The following PPP1R1C variants were observed in gnomAD, a reference collection of about 807,000 sequenced individuals.
PPP1R1C encodes protein phosphatase 1 regulatory subunit 1C.
Under a neutral mutation model 17.4 loss-of-function variants are expected in PPP1R1C, and 15 were observed. The observed-to-expected ratio is 0.86, with a 90% CI of 0.58 to 1.33. The LOEUF (loss-of-function observed/expected upper bound fraction) is 1.33. Ranked by LOEUF, PPP1R1C falls within the 40% of genes most tolerant of loss-of-function variation. The pLI, the probability that PPP1R1C is intolerant of heterozygous loss-of-function variation, is 0.00. For synonymous variants in PPP1R1C, 35 were observed against 43.1 expected (o/e 0.81, Z 0.73); for missense variants, 143 against 130.0 (o/e 1.10, Z -0.48).
intron 1 of PPP1R1C, among the ~76,000 whole-genome samples, chr2:181,972,238 T>G (rs1685023127): frequency 6.6e-6 from 1 of 152,220 alleles, no homozygotes; most frequent in Non-Finnish European, 1.5e-5. Flanking sequence ...ATTCGAAGTC[T>G]TGGAAAGTTT....
intron 4 of PPP1R1C, among the ~76,000 whole-genome samples, chr2:182,081,868 A>G (rs1312194933): frequency 6.6e-6 from 1 of 152,180 alleles, no homozygotes; most frequent in Non-Finnish European, 1.5e-5. Context: ...CATATTACCA[A>G]TTCCGTATGT....
intron 2 of PPP1R1C, among the ~76,000 whole-genome samples, chr2:181,978,265 T>G (rs1167179302): frequency 6.6e-6 from 1 of 152,194 alleles, no homozygotes; most frequent in East Asian, 1.9e-4. Context: ...TGAGATTTGG[T>G]GGGGACACAG....
At chr2:182,068,862 G>T (rs1390512976) in intron 4 of PPP1R1C, among the ~76,000 whole-genome samples, 1 of 152,138 alleles carries the variant, frequency 6.6e-6, no homozygotes, top group Non-Finnish European at 1.5e-5. Flanking sequence ...AGGCAACATA[G>T]GTAAATTAAC....
In PPP1R1C at chr2:182,004,309, T is replaced by C. The variant is rs191190962; in HGVS notation, c.142+16410T>C. 1.1e-4 allele frequency among the ~76,000 whole-genome samples: 16 copies of C among 152,334 alleles called. No individual in the cohort carries two copies. The East Asian group carries it at 2.9e-3, about 28-fold the overall frequency. ...CCTAGCAATACACAGATTTTCAGTA[T>C]AGCACCAACATTTCATTCATTTAAC... On this transcript the variant is annotated intron_variant, in intron 2 of 4. Coordinates refer to ENST00000682840, the MANE Select transcript of PPP1R1C (RefSeq NM_001080545.3).
In PPP1R1C at chr2:182,076,457, A is replaced by G. The variant is rs556525537; in HGVS notation, c.241+12666A>G. 4.6e-5 allele frequency among the ~76,000 whole-genome samples: 7 copies of G among 151,964 alleles called. No homozygotes were observed. The East Asian group carries it at 1.4e-3, about 29-fold the overall frequency. On this transcript the variant is annotated intron_variant, in intron 4 of 4. Transcript: ENST00000682840. ...TTCATCTTTTTTAAAAATGCAAGCA[A>G]GAAGTACTTGTTCCTGCCTTTGATG...
intron 5 of PPP1R1C, among the ~76,000 whole-genome samples, chr2:182,124,327 G>GGT (rs1689816197): frequency 1.2e-5 from 1 of 83,008 alleles, no homozygotes; most frequent in African/African-American, 6.0e-5. Flanking sequence ...TTTTTTTTTT[G>GGT]TTTTTTTTTT....
intron 4 of PPP1R1C, among the ~76,000 whole-genome samples, chr2:182,070,670 A>G (rs1319776751): frequency 6.6e-6 from 1 of 152,200 alleles, no homozygotes; most frequent in Non-Finnish European, 1.5e-5. Flanking sequence ...TTGGTAAATC[A>G]ATAGTTGTAT....
chr2:181,978,693 C>G (rs1441648757), intron 2 of PPP1R1C, among the ~76,000 whole-genome samples: 3 of 151,924 alleles, frequency 2.0e-5, no homozygotes, highest in Non-Finnish European at 2.9e-5. Context: ...TATGAACCAG[C>G]CTCAGTAGTC....
intron 4 of PPP1R1C, among the ~76,000 whole-genome samples, chr2:182,087,576 T>C (rs1339823988): frequency 6.6e-6 from 1 of 152,230 alleles, no homozygotes; most frequent in Admixed American, 6.5e-5. Context: ...CATATTCCAG[T>C]ATACCAAAGT....
At chr2:182,085,371 C>A (rs1343353759) in intron 4 of PPP1R1C, among the ~76,000 whole-genome samples, 1 of 152,106 alleles carries the variant, frequency 6.6e-6, no homozygotes, top group Admixed American at 6.5e-5. Context: ...CATAAACACA[C>A]ACACTAGTCT....
At chr2:181,980,437 T>G (rs909527422) in intron 2 of PPP1R1C, among the ~76,000 whole-genome samples, 1 of 152,180 alleles carries the variant, frequency 6.6e-6, no homozygotes, top group African/African-American at 2.4e-5. Context: ...TGTTTAAAAG[T>G]CTACAATGTC....
At chr2:181,969,636 A>G (rs1461529668) in intron 1 of PPP1R1C, among the ~76,000 whole-genome samples, 1 of 152,106 alleles carries the variant, frequency 6.6e-6, no homozygotes, top group Admixed American at 6.6e-5. Context: ...TTGTACTGGT[A>G]TCTTGATATC....
At position 181,959,665 on chromosome 2, in the gene PPP1R1C, T is replaced by A. The variant is rs1048943601; in HGVS notation, n.111+5031T>A. ...AGTGTCAGCTGAAAAAAAAGCCACA[T>A]TTTAGGTGTATGAGACTATTTTTAA... On this transcript the variant is annotated intron_variant and non_coding_transcript_variant, in intron 1 of 5. Coordinates refer to the PPP1R1C transcript ENST00000464264. Among the ~76,000 whole-genome samples, 5 of 152,138 alleles carry A rather than the reference T, an allele frequency of 3.3e-5. No individual in the cohort carries two copies. The South Asian group carries it at 1.0e-3, about 31-fold the overall frequency.
chr2:182,086,554 A>G lies in PPP1R1C; in HGVS notation c.241+22763A>G, dbSNP rs375050061. ...ATGTGAGGAAATTGCATACCAGAAA[A>G]CATTAAGTGAAAAAAGCTGGATTCA... On this transcript the variant is annotated intron_variant, in intron 4 of 4. Transcript: ENST00000682840. Among the ~76,000 whole-genome samples the G allele has an allele frequency of 3.3e-5, 5 of 152,288 alleles. No homozygotes were observed. The East Asian group carries it at 7.7e-4, about 24-fold the overall frequency.
At chr2:182,105,235 T>G (rs1225966047) in intron 4 of PPP1R1C, among the ~76,000 whole-genome samples, 2 of 152,168 alleles carry the variant, frequency 1.3e-5, no homozygotes, top group Non-Finnish European at 2.9e-5. Context: ...TGTGGGAATG[T>G]TGAAGATTTG....
intron 4 of PPP1R1C, among the ~76,000 whole-genome samples, chr2:182,066,857 T>C (rs2125201244): frequency 6.6e-6 from 1 of 152,186 alleles, no homozygotes; most frequent in East Asian, 1.9e-4. Context: ...ATTAAATTAT[T>C]GTTGGACTGC....
exon 6 of PPP1R1C, chr2:182,129,079 C>T (rs1390675691): frequency 6.6e-6 from 1 of 152,156 alleles, no homozygotes; most frequent in Non-Finnish European, 1.5e-5. Flanking sequence ...CCGATTCCAT[C>T]ATGATGCCAC....
At chr2:182,005,595 C>T (rs1685896105) in intron 2 of PPP1R1C, among the ~76,000 whole-genome samples, 1 of 152,124 alleles carries the variant, frequency 6.6e-6, no homozygotes, top group African/African-American at 2.4e-5. Context: ...CAAATTGTTT[C>T]TATCTGTAAC....
intron 2 of PPP1R1C, among the ~76,000 whole-genome samples, chr2:182,037,485 G>A (rs563759949): frequency 1.3e-5 from 2 of 152,004 alleles, no homozygotes; most frequent in African/African-American, 4.8e-5. Flanking sequence ...TACTCGGGAG[G>A]CTGAGGCAGG....
Sources: gnomAD v4.1 joint callset for allele counts (sites outside exome capture counted in the v4.1 genomes callset) on GRCh38, gnomAD v4.1.1 for gene constraint, MANE v1.5 for transcripts, NCBI Gene and HGNC (gene_info 2026-07-23, HGNC 2026-07-21) for gene names.